The following INPP4B variants were observed in gnomAD, a reference collection of about 807,000 sequenced individuals.
The protein encoded by INPP4B is inositol polyphosphate-4-phosphatase type II B.
A neutral mutation model predicts 122.5 loss-of-function variants in INPP4B; 55 were observed. The ratio of observed to expected loss-of-function variants is 0.45; its 90% CI spans 0.36 to 0.56. INPP4B has a LOEUF of 0.56. Among genes scored for constraint, INPP4B ranks in the 20% least tolerant of loss-of-function variants. The pLI is 0.00. For missense variants in INPP4B, 1,000 were observed against 1,097.7 expected, an observed-to-expected ratio of 0.91 and a Z score of 1.26; for synonymous variants, 403 against 388.7, an observed-to-expected ratio of 1.04 and a Z score of -0.43.
At chr4:142,558,276 C>G (rs978653927) in intron 2 of INPP4B, among the ~76,000 whole-genome samples, 4 of 152,074 alleles carry the variant, frequency 2.6e-5, no homozygotes, top group African/African-American at 9.7e-5. Flanking sequence ...TGTGGCTTGA[C>G]AGATATCCAG....
intron 1 of INPP4B, among the ~76,000 whole-genome samples, chr4:142,745,470 T>G (rs988062737): frequency 6.6e-6 from 1 of 151,922 alleles, no homozygotes; most frequent in Non-Finnish European, 1.5e-5. Flanking sequence ...TCACATGTTT[T>G]CTATAAATGC....
chr4:142,071,008 A>C (rs1293575857), intron 25 of INPP4B, among the ~76,000 whole-genome samples: 1 of 152,206 alleles, frequency 6.6e-6, no homozygotes, highest in Admixed American at 6.5e-5. Context: ...TATAGAACCA[A>C]ATAAGAGCCT....
chr4:142,384,078 A>G lies in INPP4B; in HGVS notation c.372+18860T>C, dbSNP rs1479304769. On this transcript the variant is annotated intron_variant, in intron 7 of 25. Coordinates refer to ENST00000262992, the MANE Select transcript of INPP4B (RefSeq NM_001101669.3). ...AAGTTGTCTCAGCTCTGAGGACCTC[A>G]AGATCCACTTATACTCAAATTCTGG... 1.3e-5 allele frequency: 9 copies of G among 702,132 alleles called. No homozygotes were observed. In the East Asian group the frequency reaches 2.4e-4, roughly 19 times the overall value. The allele number at this position is 702,132 out of a possible 1,614,324, so 43.5% of individuals were successfully genotyped here.
At chr4:142,149,045 A>G (rs1374572577) in intron 17 of INPP4B, among the ~76,000 whole-genome samples, 1 of 152,216 alleles carries the variant, frequency 6.6e-6, no homozygotes, top group Non-Finnish European at 1.5e-5. Flanking sequence ...TGGTGGTGAG[A>G]GAATTCAGCC....
rs2149358806 is a variant in INPP4B, at chr4:142,193,154, G to A, written c.1114C>T (p.His372Tyr). ...CCACCATTCTTAAATCCCTGAAAAT[G>A]GGCAGCTGGGGCTCCCACAGTGATG... ...DVITVGAPAA[H>Y]FQGFKNGGLR... Residue 372 changes from histidine to tyrosine, a missense_variant, in exon 15 of 26, where the codon CAT (histidine) becomes TAT (tyrosine). His to Tyr is a moderately conservative substitution (Grantham distance 83). Coordinates refer to ENST00000262992, the MANE Select transcript of INPP4B (RefSeq NM_001101669.3). The A allele has an allele frequency of 6.2e-7, 1 of 1,612,908 alleles. No individual in the cohort carries two copies. Among genetic ancestry groups the A allele is most frequent in the Non-Finnish European group, 8.5e-7 (1 of 1,178,996 alleles).
rs188646405 is a variant in INPP4B at position 142,053,946 on chromosome 4, C to T, written c.2643-25032G>A. 2.7e-4 allele frequency among the ~76,000 whole-genome samples: 41 copies of T among 152,132 alleles called. 1 individual carries two copies. Among genetic ancestry groups the T allele is most frequent in the Non-Finnish European group, 2.9e-4 (20 of 67,958 alleles). On this transcript the variant is annotated intron_variant, in intron 25 of 25. Transcript: ENST00000262992. ...GAATAAAATAGGACAGCTAAAGGAA[C>T]GAGTTCATTTTCTTAAAAGCCCAAA...
chr4:142,540,759 G>A (rs1316018629), intron 2 of INPP4B, among the ~76,000 whole-genome samples: 1 of 151,472 alleles, frequency 6.6e-6, no homozygotes, highest in Non-Finnish European at 1.5e-5. Flanking sequence ...GTGTGTGTGA[G>A]AGAGAGAGAA....
chr4:142,688,155 C>G (rs1350502985), intron 2 of INPP4B, among the ~76,000 whole-genome samples: 1 of 152,112 alleles, frequency 6.6e-6, no homozygotes, highest in African/African-American at 2.4e-5. Flanking sequence ...CTTTATAACA[C>G]TTTCCAGATT....
chr4:142,192,006 A>G (rs947416004), intron 15 of INPP4B, among the ~76,000 whole-genome samples: 4 of 152,090 alleles, frequency 2.6e-5, no homozygotes, highest in East Asian at 1.9e-4. Context: ...AACAAATTTT[A>G]TATTTGATAA....
Position 142,700,893 on chromosome 4 carries a change from C to A in INPP4B, c.-191+24946G>T, listed in dbSNP as rs139902446. Among the ~76,000 whole-genome samples, 963 of 151,828 alleles carry A rather than the reference C, an allele frequency of 6.3e-3. 44 individuals carry two copies. The highest frequency in any genetic ancestry group is 0.059 in the Admixed American group (894 of 15,238). On this transcript the variant is annotated intron_variant, in intron 2 of 25. Coordinates refer to ENST00000262992, the MANE Select transcript of INPP4B (RefSeq NM_001101669.3). Reference sequence around the variant, plus strand: ...CTAAAATATTATAAAATATTGATACCCAGATGATTTAAACATTTATTATCT... The same window carrying A: ...CTAAAATATTATAAAATATTGATACACAGATGATTTAAACATTTATTATCT...
chr4:142,750,804 G>A (rs1769573406), intron 1 of INPP4B, among the ~76,000 whole-genome samples: 1 of 152,084 alleles, frequency 6.6e-6, no homozygotes, highest in Admixed American at 6.6e-5. Context: ...TGGATGCCAA[G>A]TTATAGAATT....
At chr4:142,444,790 A>T (rs1462865775) in intron 3 of INPP4B, among the ~76,000 whole-genome samples, 1 of 152,206 alleles carries the variant, frequency 6.6e-6, no homozygotes, top group Non-Finnish European at 1.5e-5. Flanking sequence ...TGGATAAAGA[A>T]AATGTGGCAC....
intron 2 of INPP4B, among the ~76,000 whole-genome samples, chr4:142,600,601 A>G (rs1739694444): frequency 6.6e-6 from 1 of 152,186 alleles, no homozygotes; most frequent in Non-Finnish European, 1.5e-5. Flanking sequence ...CCACAGAAAA[A>G]GCATATCACA....
At chr4:142,706,980 C>T (rs968197718) in intron 2 of INPP4B, among the ~76,000 whole-genome samples, 1 of 152,190 alleles carries the variant, frequency 6.6e-6, no homozygotes, top group African/African-American at 2.4e-5. Flanking sequence ...TGTCTGGCTC[C>T]TATGAATTAT....
At chr4:142,426,038 C>T (rs1420777724) in intron 5 of INPP4B, among the ~76,000 whole-genome samples, 2 of 151,990 alleles carry the variant, frequency 1.3e-5, no homozygotes, top group Admixed American at 6.6e-5. Context: ...ACAAGGAACA[C>T]ATATGCAAAC....
At chr4:142,624,138 C>T (rs569155314) in intron 2 of INPP4B, among the ~76,000 whole-genome samples, 4,538 of 151,256 alleles carry the variant, frequency 0.03, 103 homozygotes, top group Non-Finnish European at 0.047. Context: ...TCTGAGGAAT[C>T]GCCACACTGA....
At chr4:142,625,896 T>C (rs1335442932) in intron 2 of INPP4B, among the ~76,000 whole-genome samples, 2 of 152,192 alleles carry the variant, frequency 1.3e-5, no homozygotes, top group African/African-American at 2.4e-5. Context: ...GATTCCCTAC[T>C]TAATAAATGG....
At chr4:142,127,665 G>A (rs183265644) in intron 18 of INPP4B, among the ~76,000 whole-genome samples, 209 of 152,146 alleles carry the variant, frequency 1.4e-3, no homozygotes, top group African/African-American at 4.8e-3. Flanking sequence ...TGACAATATC[G>A]GAAAGCATTA....
chr4:142,536,998 T>G (rs927040364), intron 2 of INPP4B, among the ~76,000 whole-genome samples: 3 of 152,010 alleles, frequency 2.0e-5, no homozygotes, highest in Non-Finnish European at 4.4e-5. Flanking sequence ...GGTTTCACCA[T>G]GTTGGCCAGG....
Sources: allele counts gnomAD v4.1 joint callset (sites outside exome capture counted in the v4.1 genomes callset), GRCh38; gene constraint gnomAD v4.1.1; transcripts MANE v1.5; gene names NCBI Gene and HGNC (gene_info 2026-07-23, HGNC 2026-07-21).